The following STIM2 variants were observed in gnomAD, a reference collection of about 807,000 sequenced individuals.
STIM2 encodes stromal interaction molecule 2.
A neutral mutation model predicts 85.8 loss-of-function variants in STIM2; 31 were observed. That is an observed-to-expected ratio of 0.36 (90% CI 0.27 to 0.49). The LOEUF is 0.49. STIM2 is among the 20% of genes least tolerant of loss of function. The pLI is 0.98. For missense variants in STIM2, 841 were observed against 927.6 expected (o/e 0.91, Z 1.21); for synonymous variants, 356 against 331.1 (o/e 1.08, Z -0.82).
At chr4:26,968,422 G>C (rs1449104456) in intron 3 of STIM2, among the ~76,000 whole-genome samples, 1 of 152,152 alleles carries the variant, frequency 6.6e-6, no homozygotes, top group Non-Finnish European at 1.5e-5. Flanking sequence ...AGCCAGTCAC[G>C]TAAAAAATAT....
intron 1 of STIM2, among the ~76,000 whole-genome samples, chr4:26,908,191 C>T (rs1040544765): frequency 1.3e-5 from 2 of 152,172 alleles, no homozygotes; most frequent in South Asian, 2.1e-4. Flanking sequence ...TTTAATGAAC[C>T]TGCTTTTAGA....
chr4:26,899,546 T>C (rs1456831155), intron 1 of STIM2, among the ~76,000 whole-genome samples: 1 of 152,178 alleles, frequency 6.6e-6, no homozygotes, highest in East Asian at 1.9e-4. Flanking sequence ...AGAAGTTTCT[T>C]TGTGGGAGAA....
chr4:27,006,292 G>A (rs1436488783), intron 7 of STIM2, among the ~76,000 whole-genome samples: 1 of 152,150 alleles, frequency 6.6e-6, no homozygotes, highest in Non-Finnish European at 1.5e-5. Flanking sequence ...CTAACTGACA[G>A]CTGTTCTATT....
chr4:26,916,149 A>G (rs1400781630), intron 1 of STIM2, among the ~76,000 whole-genome samples: 1 of 152,254 alleles, frequency 6.6e-6, no homozygotes, highest in Non-Finnish European at 1.5e-5. Context: ...TGAATTAACT[A>G]GAAGGTAAAC....
intron 10 of STIM2, among the ~76,000 whole-genome samples, chr4:27,015,894 G>T (rs959220642): frequency 1.4e-5 from 2 of 142,840 alleles, no homozygotes; most frequent in African/African-American, 5.2e-5. Flanking sequence ...TTTGAATATT[G>T]TTTTTTCTTC....
intron 1 of STIM2, among the ~76,000 whole-genome samples, chr4:26,890,954 A>G (rs1723455371): frequency 6.6e-6 from 1 of 152,172 alleles, no homozygotes; most frequent in Non-Finnish European, 1.5e-5. Flanking sequence ...CAGAAGCTCT[A>G]TCTGCCTCTG....
At chr4:26,961,621 TAGC>T (rs1040816999) in intron 3 of STIM2, among the ~76,000 whole-genome samples, 3 of 152,244 alleles carry the variant, frequency 2.0e-5, no homozygotes, top group African/African-American at 7.2e-5. Context: ...TGTACAATAA[TAGC>T]AGTAAGTTTA....
At chr4:26,949,399 T>C (rs1725963227) in intron 2 of STIM2, among the ~76,000 whole-genome samples, 1 of 152,202 alleles carries the variant, frequency 6.6e-6, no homozygotes, top group African/African-American at 2.4e-5. Flanking sequence ...CATAGTTAAG[T>C]AGTAAAATTC....
intron 1 of STIM2, among the ~76,000 whole-genome samples, chr4:26,886,337 A>G (rs983880672): frequency 8.5e-5 from 13 of 152,088 alleles, no homozygotes; most frequent in African/African-American, 2.2e-4. Flanking sequence ...CAATGAAGAA[A>G]ACGATGAGCT....
rs534886715 is a variant in STIM2, at chr4:26,959,745, GTTGAATGACGTC to G, written c.397+2022_397+2033del. On this transcript the variant is annotated intron_variant, in intron 3 of 11. Coordinates refer to ENST00000467087, the MANE Select transcript of STIM2 (RefSeq NM_020860.4). ...TTTTTTTAAGCTAAGGCCTTTTCAA[GTTGAATGACGTC>G]TTAAACCTCTTTTTCCCTAGGCTTT... 2.5e-3 allele frequency among the ~76,000 whole-genome samples: 380 copies of G among 151,082 alleles called. 2 individuals carry two copies. Among genetic ancestry groups the G allele is most frequent in the South Asian group, 3.3e-3 (16 of 4,794 alleles).
In STIM2 at chr4:26,981,961, G is replaced by T. The variant is rs538459612; in HGVS notation, c.398-13418G>T. 4.0e-5 allele frequency among the ~76,000 whole-genome samples: 5 copies of T among 124,850 alleles called. No individual in the cohort carries two copies. In the East Asian group the frequency reaches 1.2e-3, roughly 30 times the overall value. 81.9% of individuals were successfully genotyped at this position (124,850 alleles called of 152,430 possible). ...GGTATTTACCCCACACCGAACAAAT[G>T]TGTAATTCTTTTTTTTTTTTGGTGG... On this transcript the variant is annotated intron_variant, in intron 3 of 11. Coordinates refer to ENST00000467087, the MANE Select transcript of STIM2 (RefSeq NM_020860.4).
chr4:26,948,131 G>T (rs1725912774), intron 2 of STIM2, among the ~76,000 whole-genome samples: 1 of 152,168 alleles, frequency 6.6e-6, no homozygotes, highest in Admixed American at 6.5e-5. Flanking sequence ...TCAGAACTCT[G>T]CCACTCTCTC....
intron 2 of STIM2, among the ~76,000 whole-genome samples, chr4:26,927,865 ATAAAT>A (rs1312084108): frequency 6.8e-6 from 1 of 146,530 alleles, no homozygotes; most frequent in East Asian, 1.9e-4. Context: ...TAATTATTAT[ATAAAT>A]TATATATTAA....
intron 2 of STIM2, among the ~76,000 whole-genome samples, chr4:26,921,784 AGT>A: frequency 6.6e-6 from 1 of 152,200 alleles, no homozygotes; most frequent in South Asian, 2.1e-4. Flanking sequence ...TCACTTTGAG[AGT>A]GTGATAGCTA....
intron 1 of STIM2, among the ~76,000 whole-genome samples, chr4:26,878,342 G>A (rs1722888409): frequency 6.6e-6 from 1 of 152,112 alleles, no homozygotes; most frequent in Admixed American, 6.6e-5. Flanking sequence ...GACTGAGGTA[G>A]TACTTGGGAC....
At chr4:26,867,983 G>A (rs1475582100) in intron 1 of STIM2, among the ~76,000 whole-genome samples, 1 of 152,144 alleles carries the variant, frequency 6.6e-6, no homozygotes, top group Non-Finnish European at 1.5e-5. Flanking sequence ...TTTGATTTTT[G>A]GCTTTATTTC....
Position 26,861,245 on chromosome 4 carries a change from C to G in STIM2, c.27C>G (p.Ala9=). Residue 9 remains alanine (A), a synonymous_variant, in exon 1 of 12, where the codon GCC becomes GCG. Transcript: ENST00000467087. ...TGCTGGTGCTCGGGCTGCTGGTAGC[C>G]GGAGCGGCGGACGGATGCGAGCTTG... The G allele has an allele frequency of 6.7e-7, 1 of 1,487,028 alleles. No homozygotes were observed. The highest frequency in any genetic ancestry group is 8.9e-7 in the Non-Finnish European group (1 of 1,125,394). The allele number at this position is 1,487,028 out of a possible 1,614,324, so 92.1% of individuals were successfully genotyped here.
chr4:26,904,332 A>G (rs186395179), intron 1 of STIM2, among the ~76,000 whole-genome samples: 1 of 152,140 alleles, frequency 6.6e-6, no homozygotes, highest in Non-Finnish European at 1.5e-5. Context: ...AAGTGTCAAT[A>G]TATGTATATA....
At chr4:26,961,391 G>T (rs149677339) in intron 3 of STIM2, among the ~76,000 whole-genome samples, 158 of 152,270 alleles carry the variant, frequency 1.0e-3, no homozygotes, top group Admixed American at 4.3e-3. Context: ...GAAATGATGT[G>T]ACTTTTGCGT....
Sources: allele counts gnomAD v4.1 joint callset (sites outside exome capture counted in the v4.1 genomes callset), GRCh38; gene constraint gnomAD v4.1.1; transcripts MANE v1.5; gene names NCBI Gene and HGNC (gene_info 2026-07-23, HGNC 2026-07-21).